Variants in PRKAR1B observed in about 807,000 individuals in gnomAD.
PRKAR1B encodes the protein protein kinase cAMP-dependent type I regulatory subunit beta.
A neutral mutation model predicts 46.5 loss-of-function variants in PRKAR1B; 22 were observed. That is an observed-to-expected ratio of 0.47 (90% CI 0.34 to 0.68). The LOEUF is 0.68. PRKAR1B is among the 30% of genes least tolerant of loss of function. The probability of loss-of-function intolerance (pLI) is 0.01; values close to 1 mark genes in which losing one functional copy is unlikely to be tolerated. For synonymous variants in PRKAR1B, 259 were observed against 217.7 expected, an observed-to-expected ratio of 1.19 and a Z score of -1.67; for missense variants, 445 against 535.6, an observed-to-expected ratio of 0.83 and a Z score of 1.67.
At chr7:556,500 G>T (rs1024232001) in intron 9 of PRKAR1B, among the ~76,000 whole-genome samples, 6 of 152,222 alleles carry the variant, frequency 3.9e-5, no homozygotes, top group South Asian at 4.1e-4. Context: ...CAATAACGCG[G>T]AACAGTCTTC....
intron 3 of PRKAR1B, among the ~76,000 whole-genome samples, chr7:677,686 CA>C (rs1778413275): frequency 6.6e-6 from 1 of 152,142 alleles, no homozygotes; most frequent in Admixed American, 6.5e-5. Flanking sequence ...CTCAGCCTCC[CA>C]AAGTGCTGGG....
intron 7 of PRKAR1B, among the ~76,000 whole-genome samples, chr7:594,666 C>A (rs973028790): frequency 1.3e-5 from 2 of 151,906 alleles, no homozygotes; most frequent in African/African-American, 4.8e-5. Flanking sequence ...CATGAGGGGA[C>A]CCCCTAGACC....
At chr7:709,547 T>A (rs1300957048) in intron 2 of PRKAR1B, among the ~76,000 whole-genome samples, 1 of 152,076 alleles carries the variant, frequency 6.6e-6, no homozygotes, top group Non-Finnish European at 1.5e-5. Flanking sequence ...ATTTTTTGTA[T>A]TTTTAGTAGA....
chr7:550,703 A>G, intron 10 of PRKAR1B, 101 bp from the exon 11 acceptor site: 1 of 991,540 alleles, frequency 1.0e-6, no homozygotes, highest in Non-Finnish European at 1.4e-6. Flanking sequence ...CCTTTTAAGG[A>G]TAGGATGTGC....
chr7:690,332 G>T (rs1488990192), intron 2 of PRKAR1B, among the ~76,000 whole-genome samples: 1 of 151,724 alleles, frequency 6.6e-6, no homozygotes. Flanking sequence ...GGGAGCGAGG[G>T]CTGAAAAGCG....
intron 4 of PRKAR1B, among the ~76,000 whole-genome samples, chr7:610,819 G>A (rs1488525776): frequency 1.3e-5 from 2 of 152,234 alleles, no homozygotes; most frequent in African/African-American, 4.8e-5. Context: ...ACTCTGGAAG[G>A]TTACGTGAAG....
intron 4 of PRKAR1B, among the ~76,000 whole-genome samples, chr7:622,531 C>T (rs926275914): frequency 6.6e-6 from 1 of 152,168 alleles, no homozygotes; most frequent in South Asian, 2.1e-4. Flanking sequence ...GCACTTCCAA[C>T]ATGTCTGATC....
intron 10 of PRKAR1B, 96 bp from the exon 11 acceptor site, chr7:550,698 T>A: frequency 9.3e-7 from 1 of 1,070,326 alleles, no homozygotes; most frequent in Non-Finnish European, 1.3e-6. Context: ...GGCTCCCTTT[T>A]AAGGATAGGA....
At position 671,620 on chromosome 7, in the gene PRKAR1B, G is replaced by A. The variant is rs928720700; in HGVS notation, c.440+5609C>T. ...ATTATAGGCGTGTACCACCAGGCCC[G>A]GGTAATTTTTTTAAGAGATGGGGTC... On this transcript the variant is annotated intron_variant, in intron 4 of 10. Coordinates refer to ENST00000537384, the MANE Select transcript of PRKAR1B (RefSeq NM_001164760.2). 6.6e-5 allele frequency among the ~76,000 whole-genome samples: 10 copies of A among 152,056 alleles called. No homozygotes were observed. The South Asian group carries it at 1.0e-3, about 16-fold the overall frequency.
chr7:638,500 G>A (rs1784237217), intron 4 of PRKAR1B, among the ~76,000 whole-genome samples: 1 of 152,136 alleles, frequency 6.6e-6, no homozygotes, highest in Non-Finnish European at 1.5e-5. Flanking sequence ...CACATCACGG[G>A]GCACAGGGCT....
chr7:637,198 G>A (rs1358198218), intron 4 of PRKAR1B, among the ~76,000 whole-genome samples: 5 of 152,198 alleles, frequency 3.3e-5, no homozygotes, highest in African/African-American at 1.2e-4. Context: ...GAGGTGGGAG[G>A]ATCGCTTGAG....
At position 550,541 on chromosome 7, in the gene PRKAR1B, G is replaced by T. The variant is rs372637666; in HGVS notation, c.1035C>A (p.Leu345=). 1.4e-4 allele frequency: 229 copies of T among 1,605,820 alleles called. No homozygotes were observed. In the Middle Eastern group the frequency reaches 1.8e-3, roughly 13 times the overall value. The part of the protein sequence containing the change: ...RAATVVARGP[L]KCVKLDRPRF... ...GGGGCCGGTCCAGCTTCACACACTT[G>T]AGGGGCCCCCGGGCCACGACAGTGG... The change falls in exon 11 of 11, where the codon CTC becomes CTA. Residue 345 remains leucine, a synonymous_variant. Coordinates refer to ENST00000537384, the MANE Select transcript of PRKAR1B (RefSeq NM_001164760.2).
rs551003285 is a variant in PRKAR1B at position 685,249 on chromosome 7, G to A, written c.178-4523C>T. 4.1e-4 allele frequency among the ~76,000 whole-genome samples: 35 copies of A among 84,926 alleles called. 1 individual carries two copies. The East Asian group carries it at 5.1e-3, about 12-fold the overall frequency. 55.7% of individuals were successfully genotyped at this position (84,926 alleles called of 152,430 possible). Reference sequence around the variant, plus strand: ...ATATATATACACACACATATAACACGTTTTATATATACATATATACGTATA... The same window carrying A: ...ATATATATACACACACATATAACACATTTTATATATACATATATACGTATA... On this transcript the variant is annotated intron_variant, in intron 2 of 10. Transcript: ENST00000537384.
chr7:652,175 C>G (rs143561319), intron 4 of PRKAR1B, among the ~76,000 whole-genome samples: 5 of 141,482 alleles, frequency 3.5e-5, no homozygotes, highest in Non-Finnish European at 7.6e-5. Flanking sequence ...AAACCCCTCT[C>G]GGAACACAGT....
chr7:582,591 G>A (rs1780249200), intron 8 of PRKAR1B, among the ~76,000 whole-genome samples: 1 of 152,250 alleles, frequency 6.6e-6, no homozygotes, highest in South Asian at 2.1e-4. Flanking sequence ...CAGGGCGTGC[G>A]ACGGCCCCTA....
At chr7:557,364 G>C (rs889372160) in intron 9 of PRKAR1B, among the ~76,000 whole-genome samples, 1 of 152,366 alleles carries the variant, frequency 6.6e-6, no homozygotes. Flanking sequence ...TCTCAAGAAA[G>C]GGAGACATTT....
intron 2 of PRKAR1B, among the ~76,000 whole-genome samples, chr7:702,882 ATACTATAC>A: frequency 6.6e-6 from 1 of 151,764 alleles, no homozygotes; most frequent in Non-Finnish European, 1.5e-5. Flanking sequence ...ATCATAATAT[ATACTATAC>A]TATATATACT....
intron 9 of PRKAR1B, among the ~76,000 whole-genome samples, chr7:556,515 C>A (rs555057126): frequency 6.6e-6 from 1 of 152,218 alleles, no homozygotes; most frequent in East Asian, 1.9e-4. Context: ...GTCTTCCGCA[C>A]GGAGTCATTC....
chr7:647,598 A>C (rs2128488237), intron 4 of PRKAR1B, among the ~76,000 whole-genome samples: 1 of 152,096 alleles, frequency 6.6e-6, no homozygotes. Flanking sequence ...CAAGGTCAGG[A>C]GATCGAGACC....
Sources: gnomAD v4.1 joint callset for allele counts (sites outside exome capture counted in the v4.1 genomes callset) on GRCh38, gnomAD v4.1.1 for gene constraint, MANE v1.5 for transcripts, NCBI Gene and HGNC (gene_info 2026-07-23, HGNC 2026-07-21) for gene names.